Variants in AGO3 observed in about 807,000 individuals in gnomAD.
AGO3 encodes argonaute RISC catalytic component 3.
AGO3 carries 16 observed loss-of-function variants against 105.5 expected under a neutral mutation model. The ratio of observed to expected loss-of-function variants is 0.15; its 90% CI spans 0.10 to 0.23. AGO3 has a LOEUF of 0.23. Ranked by LOEUF, AGO3 falls within the 10% of genes least tolerant of loss-of-function variation. The pLI is 1.00. For missense variants in AGO3, 534 were observed against 1,088.0 expected, an observed-to-expected ratio of 0.49 and a Z score of 7.16; for synonymous variants, 340 against 367.3, an observed-to-expected ratio of 0.93 and a Z score of 0.85.
Position 36,068,508 on chromosome 1 carries a change from TA to T in AGO3, c.*12766del, listed in dbSNP as rs1643122620. ...GCAAGACCCCAATCTTTAAAATAAA[TA>T]AATAAATAAGAATTATTCTTGAAAG... On this transcript the variant is annotated 3_prime_UTR_variant, in exon 19 of 19. Coordinates refer to ENST00000373191, the MANE Select transcript of AGO3 (RefSeq NM_024852.4). 6.6e-6 allele frequency: 1 copy of T among 152,246 alleles called. No individual in the cohort carries two copies. Among genetic ancestry groups the T allele is most frequent in the Admixed American group, 6.5e-5 (1 of 15,276 alleles). 9.4% of individuals were successfully genotyped at this position (152,246 alleles called of 1,614,324 possible). A position where few individuals can be genotyped will look rare whatever the true frequency, so the allele number is the denominator to read the frequency against.
chr1:36,001,518 C>A (rs1200330749), intron 5 of AGO3, among the ~76,000 whole-genome samples: 2 of 152,020 alleles, frequency 1.3e-5, no homozygotes, highest in African/African-American at 4.8e-5. Context: ...CATTTGAGTT[C>A]TTTTTTATTA....
rs563590348 is a variant in AGO3 at position 35,975,459 on chromosome 1, A to T, written c.658+1948A>T. ...ACTGAGAATGCTTTCTAAATTAAGG[A>T]AGTTAGCTGTTCATCTGTCATGAGT... On this transcript the variant is annotated intron_variant, in intron 5 of 18. Transcript: ENST00000373191. 1.8e-4 allele frequency among the ~76,000 whole-genome samples: 27 copies of T among 151,918 alleles called. No homozygotes were observed. The South Asian group carries it at 5.2e-3, about 29-fold the overall frequency.
intron 5 of AGO3, among the ~76,000 whole-genome samples, chr1:35,978,885 G>T (rs752306799): frequency 6.6e-6 from 1 of 152,020 alleles, no homozygotes; most frequent in Non-Finnish European, 1.5e-5. Flanking sequence ...CTTCTAATAT[G>T]TAGTATTTTT....
intron 5 of AGO3, among the ~76,000 whole-genome samples, chr1:35,982,447 G>T (rs962027596): frequency 1.1e-4 from 17 of 152,052 alleles, no homozygotes; most frequent in African/African-American, 4.1e-4. Flanking sequence ...AGTGACATAA[G>T]CATTCATTCT....
rs1269875017 is a variant in AGO3, at chr1:36,070,110, C to T, written c.*14365C>T. The T allele has an allele frequency of 6.6e-6, 1 of 152,212 alleles. No individual in the cohort carries two copies. The highest frequency in any genetic ancestry group is 2.1e-4 in the South Asian group (1 of 4,820). The allele number at this position is 152,212 out of a possible 1,614,324, so 9.4% of individuals were successfully genotyped here. ...TACAAATACTTAGAAATTAACTTCGCCTTTGCCTTCAGGCACTTTTGCTAC... is the reference window on the plus strand; with the variant it reads ...TACAAATACTTAGAAATTAACTTCGTCTTTGCCTTCAGGCACTTTTGCTAC... On this transcript the variant is annotated 3_prime_UTR_variant, in exon 19 of 19. Transcript: ENST00000373191.
At chr1:35,996,155 A>C (rs1639792761) in intron 5 of AGO3, among the ~76,000 whole-genome samples, 1 of 152,056 alleles carries the variant, frequency 6.6e-6, no homozygotes, top group South Asian at 2.1e-4. Flanking sequence ...CCTGGGCAAC[A>C]TAGTAAAAAA....
rs896894083 is a variant in AGO3, at chr1:36,060,402, G to A, written c.*4657G>A. The A allele has an allele frequency of 2.0e-5, 3 of 152,358 alleles. No homozygotes were observed. In the South Asian group the frequency reaches 6.2e-4, roughly 32 times the overall value. The allele number at this position is 152,358 out of a possible 1,614,324, so 9.4% of individuals were successfully genotyped here. On this transcript the variant is annotated 3_prime_UTR_variant, in exon 19 of 19. Transcript: ENST00000373191. ...GTGAGCGCTAAGCATGCCAGTGATGGATCCGAAGTATTTAGATGGATTGCA... is the reference window on the plus strand; with the variant it reads ...GTGAGCGCTAAGCATGCCAGTGATGAATCCGAAGTATTTAGATGGATTGCA...
intron 11 of AGO3, among the ~76,000 whole-genome samples, chr1:36,022,239 T>G (rs1027916131): frequency 5.9e-5 from 9 of 152,024 alleles, no homozygotes; most frequent in African/African-American, 2.2e-4. Context: ...TAACTTTTTT[T>G]CTTTTTTTGT....
chr1:36,027,151 G>T lies in AGO3; in HGVS notation c.1444G>T (p.Ala482Ser). 1 of 1,614,026 alleles carries T rather than the reference G, an allele frequency of 6.2e-7. No homozygotes were observed. The highest frequency in any genetic ancestry group is 8.5e-7 in the Non-Finnish European group (1 of 1,179,910). The change falls in exon 12 of 19, where the codon GCA becomes TCA. Residue 482 changes from alanine (A) to serine (S), a missense_variant. Ala to Ser is a moderately conservative substitution (Grantham distance 99, BLOSUM62 1). This residue lies in a region of AGO3 where 373 missense variants were observed against 854.0 expected (regional missense o/e 0.44). Transcript: ENST00000373191. The surrounding 1 kb of genome is among the most constrained non-coding windows in gnomAD (Gnocchi z 4.0). ...CCAGCTGCGTAAGATTTCTAAGGAT[G>T]CAGGGATGCCCATCCAGGGCCAGCC... ...TDQLRKISKD[A>S]GMPIQGQPCF...
rs1328703109 is a variant in AGO3 at position 36,027,033 on chromosome 1, C to A, written c.1407-81C>A. ...CAAATCTTTGCTTCATCCTTCCATT[C>A]CCTTCCCAAACTTCCCATTACTACT... On this transcript the variant is annotated intron_variant, in intron 11 of 18. Coordinates refer to ENST00000373191, the MANE Select transcript of AGO3 (RefSeq NM_024852.4). This position sits in a 1 kb window ranked among gnomAD's most constrained non-coding sequence, Gnocchi z 4.0. 3.4e-6 allele frequency: 5 copies of A among 1,474,900 alleles called. No individual in the cohort carries two copies. The highest frequency in any genetic ancestry group is 1.8e-4 in the Middle Eastern group (1 of 5,526). The allele number at this position is 1,474,900 out of a possible 1,614,324, so 91.4% of individuals were successfully genotyped here. A position where few individuals can be genotyped will look rare whatever the true frequency, so the allele number is the denominator to read the frequency against.
chr1:36,003,133 C>G (rs1299714528), intron 5 of AGO3, among the ~76,000 whole-genome samples: 4 of 143,316 alleles, frequency 2.8e-5, no homozygotes, highest in Non-Finnish European at 5.9e-5. Flanking sequence ...GCTGAACAGA[C>G]AGTGGGCATT....
intron 1 of AGO3, among the ~76,000 whole-genome samples, chr1:35,934,389 GTTTC>G (rs1646111093): frequency 1.3e-5 from 2 of 152,248 alleles, no homozygotes; most frequent in South Asian, 2.1e-4. Context: ...TGAATAGACT[GTTTC>G]TTTCTTATTT....
chr1:35,959,715 A>G (rs1317833967), intron 2 of AGO3, among the ~76,000 whole-genome samples: 1 of 152,140 alleles, frequency 6.6e-6, no homozygotes, highest in Non-Finnish European at 1.5e-5. Context: ...GTCATAAAAT[A>G]TAGAGGAAAC....
intron 11 of AGO3, among the ~76,000 whole-genome samples, chr1:36,014,421 G>T (rs541008729): frequency 4.4e-4 from 67 of 151,878 alleles, no homozygotes; most frequent in African/African-American, 1.4e-3. Flanking sequence ...GCCCCCCAAG[G>T]TGCTGGGATT....
chr1:35,970,274 T>C (rs998003407), intron 3 of AGO3, among the ~76,000 whole-genome samples: 1 of 152,210 alleles, frequency 6.6e-6, no homozygotes, highest in East Asian at 1.9e-4. Context: ...TAAAAACATA[T>C]TACACTTTGT....
intron 5 of AGO3, among the ~76,000 whole-genome samples, chr1:35,998,318 G>A (rs1323918738): frequency 6.6e-6 from 1 of 152,074 alleles, no homozygotes; most frequent in Non-Finnish European, 1.5e-5. Context: ...TATTTAGGTT[G>A]TTTCCATTCT....
At chr1:35,962,439 A>G (rs1646694204) in intron 2 of AGO3, among the ~76,000 whole-genome samples, 1 of 151,740 alleles carries the variant, frequency 6.6e-6, no homozygotes, top group Admixed American at 6.6e-5. Context: ...GCTACTCGGG[A>G]GGCTGAGGCA....
chr1:36,011,855 G>T (rs898752332), intron 9 of AGO3, among the ~76,000 whole-genome samples: 3 of 152,102 alleles, frequency 2.0e-5, no homozygotes, highest in African/African-American at 7.2e-5. Flanking sequence ...GATTATAAAA[G>T]AACTGTTTTT....
chr1:35,938,109 T>C (rs1646185679), intron 1 of AGO3, among the ~76,000 whole-genome samples: 1 of 151,872 alleles, frequency 6.6e-6, no homozygotes, highest in Non-Finnish European at 1.5e-5. Context: ...GTCTCCCTAG[T>C]AGCTGGGATT....
Sources: gnomAD v4.1 joint callset for allele counts (sites outside exome capture counted in the v4.1 genomes callset) on GRCh38, gnomAD v4.1.1 for gene constraint, gnomAD v4.1.1 regional missense constraint, Gnocchi (gnomAD v3.1) non-coding constraint, MANE v1.5 for transcripts, NCBI Gene and HGNC (gene_info 2026-07-23, HGNC 2026-07-21) for gene names.